TDRD12: variants seen among roughly 807,000 people sequenced by gnomAD.
The protein encoded by TDRD12 is tudor domain containing 12.
A neutral mutation model predicts 133.5 loss-of-function variants in TDRD12; 158 were observed. The ratio of observed to expected loss-of-function variants is 1.18; its 90% CI spans 1.04 to 1.35. The LOEUF (loss-of-function observed/expected upper bound fraction) is 1.35. TDRD12 is among the 40% of genes most tolerant of loss of function. TDRD12 has a pLI of 0.00. For missense variants in TDRD12, 1,443 were observed against 1,321.3 expected (o/e 1.09, Z -1.43); for synonymous variants, 460 against 477.9 (o/e 0.96, Z 0.49).
At chr19:32,742,959 G>A (rs185994364) in intron 4 of TDRD12, 59 bp downstream of exon 4, 11 of 1,539,422 alleles carry the variant, frequency 7.1e-6, no homozygotes, top group African/African-American at 1.4e-5. Flanking sequence ...TCAAGTGCAC[G>A]ATCTTTGTAT....
chr19:32,753,651 C>T (rs974711883), intron 6 of TDRD12, among the ~76,000 whole-genome samples: 11 of 151,546 alleles, frequency 7.3e-5, no homozygotes, highest in Admixed American at 3.3e-4. Context: ...CTACAGGTGC[C>T]CGCCATCACA....
At chr19:32,748,215 A>G (rs183721317) in intron 4 of TDRD12, among the ~76,000 whole-genome samples, 98 of 151,982 alleles carry the variant, frequency 6.4e-4, no homozygotes, top group African/African-American at 2.3e-3. Context: ...CAGACAGTGC[A>G]GTGGTGAGCA....
At chr19:32,827,172 T>C in exon 10 of TDRD12, 1 of 1,229,576 alleles carries the variant, frequency 8.1e-7, no homozygotes, top group Non-Finnish European at 1.0e-6. Context: ...AGTAGTGAAT[T>C]CTAAAAACCT....
rs962231416 is a variant in TDRD12, at chr19:32,821,029, C to T, written c.3384-4C>T. ...AGGTGTTAACCCCTGCCTCTCCCGTCTAGGACGCCTCCAGCAGAAGATGCT... is the reference window on the plus strand; with the variant it reads ...AGGTGTTAACCCCTGCCTCTCCCGTTTAGGACGCCTCCAGCAGAAGATGCT... On this transcript the variant is annotated splice_polypyrimidine_tract_variant and splice_region_variant and intron_variant, in intron 27 of 27. Transcript: ENST00000444215. 7 of 1,535,474 alleles carry T rather than the reference C, an allele frequency of 4.6e-6. No individual in the cohort carries two copies. The highest frequency in any genetic ancestry group is 1.2e-5 in the South Asian group (1 of 84,022).
intron 26 of TDRD12, 70 bp from the exon 27 acceptor site, chr19:32,818,019 T>C (rs1167410956): frequency 4.3e-6 from 3 of 700,966 alleles, no homozygotes; most frequent in Middle Eastern, 2.3e-4. Context: ...CTCTGTCCTC[T>C]ACTGTCCCCA....
chr19:32,825,285 G>A (rs568196092), downstream of TDRD12, among the ~76,000 whole-genome samples: 18 of 152,290 alleles, frequency 1.2e-4, no homozygotes, highest in East Asian at 5.8e-4. The surrounding 1 kb of genome is among the most constrained non-coding windows in gnomAD (Gnocchi z 4.1). Context: ...TCTGTTTTCC[G>A]TCTCAGGCTA....
intron 16 of TDRD12, among the ~76,000 whole-genome samples, chr19:32,798,999 G>T (rs1971309144): frequency 6.6e-6 from 1 of 152,188 alleles, no homozygotes; most frequent in African/African-American, 2.4e-5. Context: ...TTTTACAACT[G>T]TCTTAATATT....
rs377392020 is a variant in TDRD12 at position 32,738,890 on chromosome 19, G to A, written c.218G>A (p.Trp73Ter). 10 of 1,551,216 alleles carry A rather than the reference G, an allele frequency of 6.4e-6. No homozygotes were observed. In the African/African-American group the frequency reaches 1.4e-4, roughly 21 times the overall value. Residue 73 changes from tryptophan to a stop codon, truncating the protein, a stop_gained, in exon 3 of 28, where the codon TGG (tryptophan) becomes TAG (stop). Coordinates refer to ENST00000444215, the Ensembl canonical transcript of TDRD12. LOFTEE classifies it high-confidence loss of function. ...GTCTATTGTGAGGAGCTAAAGTGCT[G>A]GTGCAGGGCCATTGTCAAATCAATT...
In TDRD12 at chr19:32,748,457, C is replaced by A; in HGVS notation, c.441-19C>A. ...CTCAGATTTTTATGTAATGGAGTTGCATCTGTTCACTGTTCCAGACCTGCC... is the reference window on the plus strand; with the variant it reads ...CTCAGATTTTTATGTAATGGAGTTGAATCTGTTCACTGTTCCAGACCTGCC... On this transcript the variant is annotated intron_variant, in intron 4 of 27. Coordinates refer to ENST00000444215, the Ensembl canonical transcript of TDRD12. The A allele has an allele frequency of 6.5e-7, 1 of 1,549,412 alleles. No individual in the cohort carries two copies. The highest frequency in any genetic ancestry group is 2.0e-5 in the Admixed American group (1 of 50,448).
intron 3 of TDRD12, 150 bp from the exon 4 acceptor site, chr19:32,742,631 G>A (rs973880277): frequency 4.6e-5 from 39 of 853,888 alleles, no homozygotes; most frequent in Non-Finnish European, 6.7e-5. Context: ...ATGTCTCCAA[G>A]CACTGTTGGT....
chr19:32,783,726 A>G lies in TDRD12; in HGVS notation c.1121+6497A>G, dbSNP rs183956643. On this transcript the variant is annotated intron_variant, in intron 11 of 27. Coordinates refer to ENST00000444215, the Ensembl canonical transcript of TDRD12. Reference sequence around the variant, plus strand: ...TAGGTATTTTATTCTCTTAGTAGCAATTGTGAATGGGAGTTCACTCATGAT... The same window carrying G: ...TAGGTATTTTATTCTCTTAGTAGCAGTTGTGAATGGGAGTTCACTCATGAT... Among the ~76,000 whole-genome samples the G allele has an allele frequency of 5.8e-3, 881 of 152,232 alleles. 9 individuals are homozygous for G. Among genetic ancestry groups the G allele is most frequent in the African/African-American group, 0.02 (830 of 41,518 alleles).
intron 1 of TDRD12, among the ~76,000 whole-genome samples, chr19:32,724,056 A>G (rs921884750): frequency 1.3e-5 from 2 of 151,826 alleles, no homozygotes; most frequent in Admixed American, 1.3e-4. Flanking sequence ...ACAGGGTCTC[A>G]CTGTGTTGCC....
chr19:32,779,241 C>T (rs1276002708), intron 11 of TDRD12, among the ~76,000 whole-genome samples: 2 of 152,226 alleles, frequency 1.3e-5, no homozygotes, highest in African/African-American at 2.4e-5. Flanking sequence ...GGCACAGGGA[C>T]CTTGGCTCAT....
chr19:32,730,627 C>T (rs1969021039), intron 1 of TDRD12, among the ~76,000 whole-genome samples: 1 of 151,944 alleles, frequency 6.6e-6, no homozygotes, highest in African/African-American at 2.4e-5. Flanking sequence ...AGTGGGAATA[C>T]CTGTATTCTT....
intron 8 of TDRD12, among the ~76,000 whole-genome samples, chr19:32,769,749 G>A (rs1036696793): frequency 2.0e-5 from 3 of 151,800 alleles, no homozygotes; most frequent in Non-Finnish European, 2.9e-5. Flanking sequence ...TGATTCTCCT[G>A]CCTCAGCCTC....
intron 21 of TDRD12, among the ~76,000 whole-genome samples, chr19:32,805,729 CTTTTTTTTTT>C (rs397860060): frequency 2.5e-5 from 3 of 118,876 alleles, no homozygotes; most frequent in African/African-American, 3.3e-5. Flanking sequence ...TTTTTTTTAT[CTTTTTTTTTT>C]TTTTTTTTTT....
intron 25 of TDRD12, among the ~76,000 whole-genome samples, 177 bp from the exon 26 acceptor site, chr19:32,815,271 C>T (rs546179968): frequency 2.0e-5 from 3 of 152,336 alleles, no homozygotes; most frequent in South Asian, 4.1e-4. Flanking sequence ...TTGGATGGAA[C>T]CTCAGGTAGG....
chr19:32,807,430 G>A (rs767588830), intron 21 of TDRD12, 119 bp from the exon 22 acceptor site: 30 of 587,536 alleles, frequency 5.1e-5, no homozygotes, highest in Middle Eastern at 3.2e-4. Flanking sequence ...TCAGTCTTTA[G>A]GGTGTTTGGA....
At chr19:32,745,073 C>G (rs566254767) in intron 4 of TDRD12, among the ~76,000 whole-genome samples, 9 of 152,188 alleles carry the variant, frequency 5.9e-5, no homozygotes, top group African/African-American at 1.2e-4. Flanking sequence ...TCCAGCCAGC[C>G]CCCCCCACTA....
Sources: allele counts gnomAD v4.1 joint callset (sites outside exome capture counted in the v4.1 genomes callset), GRCh38; gene constraint gnomAD v4.1.1; non-coding constraint Gnocchi (gnomAD v3.1); transcripts MANE v1.5; gene names NCBI Gene and HGNC (gene_info 2026-07-23, HGNC 2026-07-21).